IQCJ: variants seen among roughly 807,000 people sequenced by gnomAD.
IQCJ encodes IQ domain-containing protein J.
Under a neutral mutation model 11.0 loss-of-function variants are expected in IQCJ, and 9 were observed. The observed-to-expected ratio is 0.82, with a 90% CI of 0.49 to 1.43. The LOEUF is 1.43. Among genes scored for constraint, IQCJ ranks in the 40% most tolerant of loss-of-function variants. IQCJ has a pLI of 0.00. For missense variants in IQCJ, 146 were observed against 133.2 expected (o/e 1.10, Z -0.47); for synonymous variants, 55 against 51.3 (o/e 1.07, Z -0.31).
intron 1 of IQCJ, among the ~76,000 whole-genome samples, chr3:159,089,233 T>C (rs1419424957): frequency 6.6e-6 from 1 of 152,198 alleles, no homozygotes; most frequent in African/African-American, 2.4e-5. Context: ...TCTTTAAGAA[T>C]GTTGAATATT....
At chr3:159,194,314 G>A (rs572241882) in intron 1 of IQCJ, among the ~76,000 whole-genome samples, 70 of 152,272 alleles carry the variant, frequency 4.6e-4, no homozygotes, top group African/African-American at 1.6e-3. Flanking sequence ...CGTCTATCTT[G>A]CCCTGGAGAC....
At chr3:159,130,835 T>C (rs1719949731) in intron 1 of IQCJ, among the ~76,000 whole-genome samples, 1 of 152,214 alleles carries the variant, frequency 6.6e-6, no homozygotes, top group Non-Finnish European at 1.5e-5. Flanking sequence ...TCCGATTTAC[T>C]TTTCTATAGA....
intron 1 of IQCJ, among the ~76,000 whole-genome samples, chr3:159,122,287 G>A (rs1253485166): frequency 1.3e-5 from 2 of 152,074 alleles, no homozygotes; most frequent in Non-Finnish European, 2.9e-5. Context: ...AGTTTAGTGG[G>A]GGGACAAAAA....
intron 1 of IQCJ, among the ~76,000 whole-genome samples, chr3:159,159,612 T>G (rs1242074082): frequency 6.6e-6 from 1 of 152,186 alleles, no homozygotes; most frequent in Non-Finnish European, 1.5e-5. Context: ...TAATTTATTT[T>G]CTGTCTTCAA....
Position 159,263,112 on chromosome 3 carries a change from T to C in IQCJ, c.*381T>C. 1.0e-6 allele frequency: 1 copy of C among 984,844 alleles called. No homozygotes were observed. The highest frequency in any genetic ancestry group is 1.2e-6 in the Non-Finnish European group (1 of 827,204). 61.0% of individuals were successfully genotyped at this position (984,844 alleles called of 1,614,324 possible). A position where few individuals can be genotyped will look rare whatever the true frequency, so the allele number is the denominator to read the frequency against. ...TGGTCACACACTCAGGGGTTGCAACTTAAATGTCTCCAGGGGCCAGGTAAG... is the reference window on the plus strand; with the variant it reads ...TGGTCACACACTCAGGGGTTGCAACCTAAATGTCTCCAGGGGCCAGGTAAG... On this transcript the variant is annotated 3_prime_UTR_variant, in exon 4 of 4. Coordinates refer to ENST00000397832, the MANE Select transcript of IQCJ (RefSeq NM_001042706.3).
rs1012876371 is a variant in IQCJ at position 159,240,644 on chromosome 3, C to T, written c.10-5199C>T. 2.0e-5 allele frequency among the ~76,000 whole-genome samples: 3 copies of T among 152,178 alleles called. No homozygotes were observed. The East Asian group carries it at 5.8e-4, about 29-fold the overall frequency. On this transcript the variant is annotated intron_variant, in intron 1 of 3. Coordinates refer to ENST00000397832, the MANE Select transcript of IQCJ (RefSeq NM_001042706.3). ...ATAGATCTCAATCCCTACCTCACCA[C>T]AACATACATAAAAAGTAATTCACGG...
intron 1 of IQCJ, among the ~76,000 whole-genome samples, chr3:159,073,152 C>G (rs145310762): frequency 2.4e-4 from 37 of 152,214 alleles, no homozygotes; most frequent in African/African-American, 8.7e-4. Flanking sequence ...TCACAGTGGG[C>G]AGAAATGACC....
chr3:159,148,404 G>A (rs1721029030), intron 1 of IQCJ, among the ~76,000 whole-genome samples: 1 of 152,222 alleles, frequency 6.6e-6, no homozygotes, highest in Admixed American at 6.5e-5. Context: ...TCATTGGCAT[G>A]AGTAGTAAGT....
chr3:159,158,533 T>C (rs1721662019), intron 1 of IQCJ, among the ~76,000 whole-genome samples: 1 of 152,238 alleles, frequency 6.6e-6, no homozygotes. Context: ...GCCAGCATTA[T>C]GATTAGTACA....
intron 1 of IQCJ, among the ~76,000 whole-genome samples, chr3:159,087,517 G>A (rs1716875971): frequency 6.6e-6 from 1 of 151,916 alleles, no homozygotes; most frequent in Non-Finnish European, 1.5e-5. Flanking sequence ...TTGTACCTCT[G>A]GTAAAATTCA....
At chr3:159,222,380 A>G (rs13095658) in intron 1 of IQCJ, among the ~76,000 whole-genome samples, 14,925 of 152,278 alleles carry the variant, frequency 0.098, 937 homozygotes, top group Middle Eastern at 0.13. Flanking sequence ...TTGTGACACT[A>G]TGGATGAACC....
chr3:159,092,385 C>A (rs1421274337), intron 1 of IQCJ, among the ~76,000 whole-genome samples: 1 of 151,820 alleles, frequency 6.6e-6, no homozygotes, highest in Non-Finnish European at 1.5e-5. Context: ...ATTCTCCTCT[C>A]TACCCTGTAT....
intron 1 of IQCJ, among the ~76,000 whole-genome samples, chr3:159,234,685 A>G (rs555879212): frequency 6.6e-6 from 1 of 152,284 alleles, no homozygotes; most frequent in South Asian, 2.1e-4. Flanking sequence ...AAAAGCAATT[A>G]GGCAGCACAA....
At chr3:159,259,504 G>A (rs921006308) in intron 3 of IQCJ, among the ~76,000 whole-genome samples, 1 of 152,148 alleles carries the variant, frequency 6.6e-6, no homozygotes, top group Non-Finnish European at 1.5e-5. Context: ...TCTAGGAGAA[G>A]AAGGCTGAAA....
chr3:159,114,561 C>G (rs949188811), intron 1 of IQCJ, among the ~76,000 whole-genome samples: 1 of 146,514 alleles, frequency 6.8e-6, no homozygotes, highest in Non-Finnish European at 1.5e-5. Context: ...TCCACCCCCC[C>G]TCGGCCTCTC....
intron 3 of IQCJ, among the ~76,000 whole-genome samples, chr3:159,257,256 T>C (rs1560045280): frequency 6.6e-6 from 1 of 152,218 alleles, no homozygotes; most frequent in Non-Finnish European, 1.5e-5. Flanking sequence ...CCTAATCTGA[T>C]ACTCTTCTTT....
intron 1 of IQCJ, among the ~76,000 whole-genome samples, chr3:159,230,384 T>C (rs1191760285): frequency 6.6e-6 from 1 of 152,260 alleles, no homozygotes; most frequent in East Asian, 1.9e-4. Flanking sequence ...ATATTTTTAA[T>C]GAATATCTAT....
chr3:159,211,884 G>C (rs1448515355), intron 1 of IQCJ, among the ~76,000 whole-genome samples: 1 of 152,046 alleles, frequency 6.6e-6, no homozygotes, highest in Non-Finnish European at 1.5e-5. Context: ...AAATCAAGGA[G>C]AATGGAAAGG....
chr3:159,120,928 A>T (rs1314969445), intron 1 of IQCJ, among the ~76,000 whole-genome samples: 1 of 151,856 alleles, frequency 6.6e-6, no homozygotes, highest in Non-Finnish European at 1.5e-5. Context: ...CTCTTTCTCC[A>T]GACATTTTTT....
Sources: gnomAD v4.1 joint callset for allele counts (sites outside exome capture counted in the v4.1 genomes callset) on GRCh38, gnomAD v4.1.1 for gene constraint, MANE v1.5 for transcripts, NCBI Gene and HGNC (gene_info 2026-07-23, HGNC 2026-07-21) for gene names.